Variants in C19orf44 observed in about 807,000 individuals in gnomAD.
C19orf44 encodes chromosome 19 open reading frame 44.
A neutral mutation model predicts 50.7 loss-of-function variants in C19orf44; 43 were observed. That is an observed-to-expected ratio of 0.85 (90% CI 0.66 to 1.09). C19orf44 has a LOEUF of 1.09. Among genes scored for constraint, C19orf44 ranks in the 50% least tolerant of loss-of-function variants. C19orf44 has a pLI of 0.00. For missense variants in C19orf44, 722 were observed against 836.2 expected, an observed-to-expected ratio of 0.86 and a Z score of 1.68; for synonymous variants, 298 against 334.7, an observed-to-expected ratio of 0.89 and a Z score of 1.20.
At position 16,503,217 on chromosome 19, in the gene C19orf44, C is replaced by T. The variant is rs2093430878; in HGVS notation, c.912C>T (p.Ser304=). 5.0e-6 allele frequency: 8 copies of T among 1,614,116 alleles called. No homozygotes were observed. The African/African-American group carries it at 8.0e-5, about 16-fold the overall frequency. Residue 304 remains serine (S), a synonymous_variant, in exon 3 of 9, where the codon TCC becomes TCT. Transcript: ENST00000221671. The stretch of plus-strand genomic sequence containing the variant: ...CAGACTACCCACAGAGTCACGTTTC[C>T]AGTGACACCGCCTCCCACACGCCGT... ...SRADYPQSHV[S]SDTASHTPSV...
intron 7 of C19orf44, 80 bp downstream of exon 7, chr19:16,514,743 C>A: frequency 7.1e-7 from 1 of 1,405,546 alleles, no homozygotes; most frequent in Non-Finnish European, 9.4e-7. Flanking sequence ...GGGATATGGG[C>A]CGGGGCCTGG....
chr19:16,509,304 C>T (rs2093449465), intron 4 of C19orf44, among the ~76,000 whole-genome samples, 195 bp from the exon 5 acceptor site: 1 of 152,164 alleles, frequency 6.6e-6, no homozygotes, highest in South Asian at 2.1e-4. Context: ...AGGATTCCTG[C>T]AGCCCCGTGG....
rs754715517 is a variant in C19orf44 at position 16,520,399 on chromosome 19, G to A, written c.*346G>A. The A allele has an allele frequency of 2.5e-6, 4 of 1,614,126 alleles. No homozygotes were observed. The highest frequency in any genetic ancestry group is 3.4e-6 in the Non-Finnish European group (4 of 1,180,012). On this transcript the variant is annotated 3_prime_UTR_variant, in exon 9 of 9. Transcript: ENST00000221671. The surrounding 1 kb of genome is among the most constrained non-coding windows in gnomAD (Gnocchi z 4.0). ...AGCGGGAGTAGGAACGGGAGCAGGA[G>A]CGCGACCTTGACCTTGAGTACGAGC...
At chr19:16,510,884 C>T (rs751727835) in intron 5 of C19orf44, among the ~76,000 whole-genome samples, 1 of 151,980 alleles carries the variant, frequency 6.6e-6, no homozygotes, top group Non-Finnish European at 1.5e-5. Context: ...TACAAGCATG[C>T]GCCCCCATGC....
chr19:16,508,588 G>C (rs900577184), intron 4 of C19orf44, among the ~76,000 whole-genome samples: 9 of 152,094 alleles, frequency 5.9e-5, no homozygotes, highest in Non-Finnish European at 1.3e-4. Context: ...GACCGGCTGG[G>C]TTGTCCAGGC....
chr19:16,510,161 C>A (rs775418686), intron 5 of C19orf44, 173 bp downstream of exon 5: 2 of 916,302 alleles, frequency 2.2e-6, no homozygotes, highest in Non-Finnish European at 3.3e-6. Flanking sequence ...AATCCCAGCA[C>A]TTTGGGAGGC....
chr19:16,517,287 A>T lies in C19orf44; in HGVS notation c.1960A>T (p.Asn654Tyr). 1 of 1,614,156 alleles carries T rather than the reference A, an allele frequency of 6.2e-7. No homozygotes were observed. Among genetic ancestry groups the T allele is most frequent in the Non-Finnish European group, 8.5e-7 (1 of 1,180,020 alleles). The change falls in exon 8 of 9, where the codon AAC becomes TAC. Residue 654 changes from asparagine (N) to tyrosine (Y), a missense_variant. Coordinates refer to ENST00000221671, the MANE Select transcript of C19orf44 (RefSeq NM_032207.4). The part of the protein sequence containing the change: ...LTMEDALEEV[N>Y]KEL ...CATGGAGGATGCCCTGGAGGAGGTG[A>T]ACAAGGAGCTGTGAGCGCCAGCAGG... is the stretch of plus-strand genomic sequence containing the variant.
chr19:16,510,558 C>T (rs569153434), intron 5 of C19orf44, among the ~76,000 whole-genome samples: 123 of 152,012 alleles, frequency 8.1e-4, no homozygotes, highest in Non-Finnish European at 1.4e-3. Context: ...GGATGATTCA[C>T]GGGGGGACTC....
chr19:16,511,338 T>C (rs1193913414), intron 5 of C19orf44, among the ~76,000 whole-genome samples: 1 of 151,792 alleles, frequency 6.6e-6, no homozygotes, highest in African/African-American at 2.4e-5. Context: ...CCTGGCCCCC[T>C]GTATAATTTT....
intron 5 of C19orf44, among the ~76,000 whole-genome samples, chr19:16,512,507 C>T (rs990553929): frequency 1.3e-5 from 2 of 151,918 alleles, no homozygotes; most frequent in Admixed American, 1.3e-4. Flanking sequence ...GATACCCGTG[C>T]CTTGAGCCAA....
intron 3 of C19orf44, among the ~76,000 whole-genome samples, chr19:16,503,686 TC>T (rs992081414): frequency 8.8e-4 from 134 of 152,288 alleles, no homozygotes; most frequent in African/African-American, 3.1e-3. Context: ...TGCCTCAGCC[TC>T]CTGACCAGCT....
intron 2 of C19orf44, among the ~76,000 whole-genome samples, chr19:16,502,504 G>A (rs973071749): frequency 2.0e-5 from 3 of 151,562 alleles, no homozygotes; most frequent in African/African-American, 4.8e-5. Context: ...CCAAAGTGCC[G>A]GGATTTACAG....
intron 2 of C19orf44, among the ~76,000 whole-genome samples, chr19:16,501,814 C>T (rs1315610173): frequency 6.6e-6 from 1 of 151,918 alleles, no homozygotes; most frequent in East Asian, 1.9e-4. Flanking sequence ...TGGTGTTGAA[C>T]TTCCGATCTC....
At chr19:16,512,823 A>G (rs2122215668) in intron 5 of C19orf44, among the ~76,000 whole-genome samples, 191 bp from the exon 6 acceptor site, 1 of 148,396 alleles carries the variant, frequency 6.7e-6, no homozygotes, top group African/African-American at 2.5e-5. Context: ...CATGCCGTGC[A>G]CTCCAGACTG....
At position 16,520,186 on chromosome 19, in the gene C19orf44, T is replaced by C; in HGVS notation, c.*133T>C. 6.2e-7 allele frequency: 1 copy of C among 1,613,290 alleles called. No individual in the cohort carries two copies. The highest frequency in any genetic ancestry group is 8.5e-7 in the Non-Finnish European group (1 of 1,180,018). On this transcript the variant is annotated 3_prime_UTR_variant, in exon 9 of 9. Transcript: ENST00000221671. The surrounding 1 kb of genome is among the most constrained non-coding windows in gnomAD (Gnocchi z 4.0). Reference sequence around the variant, plus strand: ...CTCCTGGACCGTGACCGGCGTCTTCTTCCTGGGGAGTACGACTTGGACCGG... The same window carrying C: ...CTCCTGGACCGTGACCGGCGTCTTCCTCCTGGGGAGTACGACTTGGACCGG...
intron 5 of C19orf44, 57 bp from the exon 6 acceptor site, chr19:16,512,957 C>T: frequency 3.4e-6 from 5 of 1,485,174 alleles, no homozygotes; most frequent in Non-Finnish European, 4.6e-6. Context: ...ATCTGTGGAC[C>T]CGAAAGTCAT....
chr19:16,501,046 C>T lies in C19orf44; in HGVS notation c.254C>T (p.Ala85Val). Residue 85 changes from alanine to valine, a missense_variant, in exon 2 of 9, where the codon GCC becomes GTC. Coordinates refer to ENST00000221671, the MANE Select transcript of C19orf44 (RefSeq NM_032207.4). ...RLASCRPPTT[A>V]SRIRANAALM... The stretch of plus-strand genomic sequence containing the variant: ...GCCTCATGTAGACCGCCCACCACTG[C>T]CTCCAGGATCCGAGCCAATGCCGCA... 1 of 1,614,130 alleles carries T rather than the reference C, an allele frequency of 6.2e-7. No individual in the cohort carries two copies. The highest frequency in any genetic ancestry group is 1.3e-5 in the African/African-American group (1 of 75,036).
chr19:16,498,818 C>A (rs1044666471), intron 1 of C19orf44, among the ~76,000 whole-genome samples: 1 of 151,812 alleles, frequency 6.6e-6, no homozygotes, highest in Non-Finnish European at 1.5e-5. Context: ...CTACAGGCGC[C>A]CACCACCGCG....
intron 1 of C19orf44, among the ~76,000 whole-genome samples, chr19:16,497,393 T>C (rs2093412650): frequency 7.0e-6 from 1 of 143,828 alleles, no homozygotes; most frequent in Non-Finnish European, 1.5e-5. Context: ...CTCTGTTACT[T>C]AGGCTGAAGT....
Sources: gnomAD v4.1 joint callset for allele counts (sites outside exome capture counted in the v4.1 genomes callset) on GRCh38, gnomAD v4.1.1 for gene constraint, Gnocchi (gnomAD v3.1) non-coding constraint, MANE v1.5 for transcripts, NCBI Gene and HGNC (gene_info 2026-07-23, HGNC 2026-07-21) for gene names.